The following NRG3 variants were observed in gnomAD, a reference collection of about 807,000 sequenced individuals.
The protein encoded by NRG3 is neuregulin 3.
In NRG3, 31 loss-of-function variants were observed where a neutral mutation model predicts 66.9. The ratio of observed to expected loss-of-function variants is 0.46; its 90% CI spans 0.35 to 0.63. NRG3 has a LOEUF of 0.63. NRG3 is among the 20% of genes least tolerant of loss of function. NRG3 has a pLI of 0.00. For synonymous variants in NRG3, 393 were observed against 359.4 expected (o/e 1.09, Z -1.06); for missense variants, 910 against 878.9 (o/e 1.04, Z -0.45).
At chr10:81,923,819 G>C (rs1052492979) in intron 1 of NRG3, among the ~76,000 whole-genome samples, 1 of 152,160 alleles carries the variant, frequency 6.6e-6, no homozygotes, top group African/African-American at 2.4e-5. Context: ...TATGACGTTT[G>C]CATGTTTGGA....
chr10:82,238,302 T>G (rs1278373098), intron 1 of NRG3, among the ~76,000 whole-genome samples: 1 of 152,006 alleles, frequency 6.6e-6, no homozygotes, highest in African/African-American at 2.4e-5. Context: ...CAAATATAAA[T>G]GCCTGTTCTA....
chr10:82,068,526 A>G (rs988995237), intron 1 of NRG3, among the ~76,000 whole-genome samples: 11 of 152,234 alleles, frequency 7.2e-5, no homozygotes, highest in Admixed American at 5.9e-4. Flanking sequence ...CCACAAATAA[A>G]TGTATAAGGT....
chr10:82,192,080 C>T (rs182791923), intron 1 of NRG3, among the ~76,000 whole-genome samples: 2 of 152,168 alleles, frequency 1.3e-5, no homozygotes, highest in Admixed American at 1.3e-4. Flanking sequence ...TTCAAACTTC[C>T]GTACTTCCTA....
At chr10:82,362,337 G>A (rs1220709878) in intron 2 of NRG3, among the ~76,000 whole-genome samples, 12 of 59,668 alleles carry the variant, frequency 2.0e-4, no homozygotes, top group Middle Eastern at 7.5e-3. Context: ...ATATATATGT[G>A]TGTGTGTGTG....
chr10:82,533,130 C>T (rs1387473756), intron 2 of NRG3, among the ~76,000 whole-genome samples: 3 of 150,852 alleles, frequency 2.0e-5, no homozygotes, highest in African/African-American at 7.3e-5. Context: ...AAGACCTTAG[C>T]TCATTCCTGA....
intron 4 of NRG3, among the ~76,000 whole-genome samples, chr10:82,930,307 G>A (rs992138950): frequency 3.9e-5 from 6 of 152,268 alleles, no homozygotes; most frequent in South Asian, 2.1e-4. Flanking sequence ...ATGCTATGAC[G>A]TACCTACTAT....
At chr10:81,975,366 T>G (rs1335911875) in intron 1 of NRG3, among the ~76,000 whole-genome samples, 1 of 138,898 alleles carries the variant, frequency 7.2e-6, no homozygotes. Context: ...TCTATCTATC[T>G]ATCTATCTAT....
At chr10:82,294,331 T>C (rs1197564114) in intron 1 of NRG3, among the ~76,000 whole-genome samples, 1 of 152,190 alleles carries the variant, frequency 6.6e-6, no homozygotes, top group Admixed American at 6.5e-5. Context: ...TGGAAAGCAT[T>C]GAGTCTGCCA....
intron 2 of NRG3, among the ~76,000 whole-genome samples, chr10:82,418,261 AT>A (rs2088734243): frequency 6.6e-6 from 1 of 152,178 alleles, no homozygotes; most frequent in Admixed American, 6.5e-5. Context: ...TATTTTTTGA[AT>A]TTAATTAACT....
chr10:82,677,226 A>G (rs1453874786), intron 2 of NRG3, among the ~76,000 whole-genome samples: 1 of 151,230 alleles, frequency 6.6e-6, no homozygotes, highest in Non-Finnish European at 1.5e-5. Flanking sequence ...TATTTTTTGT[A>G]CTTTTTGTAG....
At chr10:82,199,395 C>T (rs2074648627) in intron 1 of NRG3, among the ~76,000 whole-genome samples, 1 of 152,092 alleles carries the variant, frequency 6.6e-6, no homozygotes, top group African/African-American at 2.4e-5. Context: ...TGCAGCTCTG[C>T]TTAGTTCAAA....
At chr10:82,527,276 A>G (rs1846802773) in intron 2 of NRG3, among the ~76,000 whole-genome samples, 1 of 151,920 alleles carries the variant, frequency 6.6e-6, no homozygotes, top group African/African-American at 2.4e-5. Flanking sequence ...AAACATTCCA[A>G]ATGATGCTTA....
intron 1 of NRG3, among the ~76,000 whole-genome samples, chr10:82,305,739 A>G (rs1242198653): frequency 2.0e-5 from 3 of 152,184 alleles, no homozygotes; most frequent in African/African-American, 7.2e-5. Flanking sequence ...CATTATATAC[A>G]GTAATTTTTC....
chr10:82,859,957 A>G (rs536657231), intron 3 of NRG3, among the ~76,000 whole-genome samples: 2 of 152,314 alleles, frequency 1.3e-5, no homozygotes, highest in South Asian at 4.1e-4. Context: ...CTTGCTAGAC[A>G]GGTACCTAGT....
At chr10:82,806,248 T>C (rs1398509356) in intron 3 of NRG3, among the ~76,000 whole-genome samples, 3 of 152,322 alleles carry the variant, frequency 2.0e-5, no homozygotes, top group Admixed American at 6.5e-5. Flanking sequence ...CTTCCTGTTA[T>C]AAATATGACT....
intron 2 of NRG3, among the ~76,000 whole-genome samples, chr10:82,385,335 G>T (rs1192732065): frequency 6.6e-6 from 1 of 151,876 alleles, no homozygotes; most frequent in African/African-American, 2.4e-5. Flanking sequence ...TATATATTTA[G>T]ATTTATTGAC....
At chr10:82,368,064 T>TTTCCTGTCCGTATCAATAAGG (rs1554897754) in intron 2 of NRG3, among the ~76,000 whole-genome samples, 1 of 105,236 alleles carries the variant, frequency 9.5e-6, no homozygotes, top group African/African-American at 8.4e-5. Context: ...TTCAGTTTTC[T>TTTCCTGTCCGTATCAATAAGG]TATCTGTGAA....
intron 2 of NRG3, among the ~76,000 whole-genome samples, chr10:82,413,187 G>A (rs2088243726): frequency 1.3e-5 from 2 of 152,120 alleles, no homozygotes; most frequent in South Asian, 4.1e-4. Context: ...GGCACCTAGG[G>A]CCTTATGAAA....
intron 1 of NRG3, among the ~76,000 whole-genome samples, chr10:82,167,347 A>G (rs2072163091): frequency 6.6e-6 from 1 of 152,114 alleles, no homozygotes; most frequent in South Asian, 2.1e-4. Context: ...GGACTAAGGC[A>G]GTATTCAGTC....
Sources: gnomAD v4.1 joint callset for allele counts (sites outside exome capture counted in the v4.1 genomes callset) on GRCh38, gnomAD v4.1.1 for gene constraint, MANE v1.5 for transcripts, NCBI Gene and HGNC (gene_info 2026-07-23, HGNC 2026-07-21) for gene names.